SEMA5B: variants seen among roughly 807,000 people sequenced by gnomAD.
SEMA5B encodes semaphorin-5B.
Under a neutral mutation model 135.0 loss-of-function variants are expected in SEMA5B, and 66 were observed. That is an observed-to-expected ratio of 0.49 (90% CI 0.40 to 0.60). The LOEUF is 0.60. Ranked by LOEUF, SEMA5B falls within the 20% of genes least tolerant of loss-of-function variation. The pLI, the probability that SEMA5B is intolerant of heterozygous loss-of-function variation, is 0.00. For synonymous variants in SEMA5B, 690 were observed against 639.5 expected, an observed-to-expected ratio of 1.08 and a Z score of -1.19; for missense variants, 1,501 against 1,566.3, an observed-to-expected ratio of 0.96 and a Z score of 0.70.
intron 5 of SEMA5B, among the ~76,000 whole-genome samples, chr3:122,934,184 G>A (rs1327694374): frequency 6.6e-6 from 1 of 151,662 alleles, no homozygotes; most frequent in South Asian, 2.1e-4. Context: ...TGGGATTACA[G>A]GCGTGAGCCA....
chr3:122,926,708 G>A (rs779453238), intron 8 of SEMA5B, 31 bp from the exon 9 acceptor site: 3 of 1,601,344 alleles, frequency 1.9e-6, no homozygotes, highest in Non-Finnish European at 1.7e-6. Flanking sequence ...CAAGGGGCAG[G>A]GCAGGCCAGC....
At chr3:122,978,094 C>G (rs1321707535) in intron 1 of SEMA5B, among the ~76,000 whole-genome samples, 4 of 152,254 alleles carry the variant, frequency 2.6e-5, no homozygotes, top group African/African-American at 7.2e-5. Flanking sequence ...CAGGGACCCA[C>G]AGCTGAGTTT....
Position 122,912,209 on chromosome 3 carries a change from G to C in SEMA5B, c.2859C>G (p.His953Gln), listed in dbSNP as rs1937763968. 6.2e-7 allele frequency: 1 copy of C among 1,605,078 alleles called. No individual in the cohort carries two copies. Among genetic ancestry groups the C allele is most frequent in the African/African-American group, 1.3e-5 (1 of 74,896 alleles). The change falls in exon 19 of 23, where the codon CAC becomes CAG. Residue 953 changes from histidine to glutamine, a missense_variant. Coordinates refer to ENST00000357599, the MANE Select transcript of SEMA5B (RefSeq NM_001031702.4). Reference sequence around the variant, plus strand: ...GTGTGGCACATAGTGCCTCCTCCGTGTGCAGCCCGAGACAGATGTCCTCAC... The same window carrying C: ...GTGTGGCACATAGTGCCTCCTCCGTCTGCAGCCCGAGACAGATGTCCTCAC... The part of the protein sequence containing the change: ...SPGEDICLGL[H>Q]TEEALCATQA...
In SEMA5B at chr3:122,913,624, G is replaced by A; in HGVS notation, c.2190C>T (p.Ser730=). ...CACAGTTGCTGCTGCACTTGCTCCA[G>A]GAGCCCCAGGAAGCCCAGAAGATGG... ...PVPIFWASWG[S]WSKCSSNCGG... Residue 730 remains serine, a synonymous_variant, in exon 16 of 23, where the codon TCC becomes TCT. Coordinates refer to ENST00000357599, the MANE Select transcript of SEMA5B (RefSeq NM_001031702.4). 6.2e-7 allele frequency: 1 copy of A among 1,613,540 alleles called. No homozygotes were observed. Among genetic ancestry groups the A allele is most frequent in the East Asian group, 2.2e-5 (1 of 44,852 alleles).
chr3:122,939,284 G>A, intron 5 of SEMA5B, 141 bp downstream of exon 5: 1 of 696,352 alleles, frequency 1.4e-6, no homozygotes, highest in South Asian at 1.7e-5. Flanking sequence ...TGGGGTCTGA[G>A]TCCATGGCCA....
In SEMA5B at chr3:122,911,939, G is replaced by T; in HGVS notation, c.3027C>A (p.Cys1009Ter). Residue 1009 changes from cysteine (C) to a stop codon, truncating the protein, a stop_gained, in exon 20 of 23, where the codon TGC becomes TGA. Coordinates refer to ENST00000357599, the MANE Select transcript of SEMA5B (RefSeq NM_001031702.4). LOFTEE classifies it high-confidence loss of function. ...CAGNSSQSRP[C>*]PYSEIPVILP... ...ACCTACCGGGAATCTCGCTGTAGGGGCAGGGGCGGCTCTGGCTGCTGTTTC... is the reference window on the plus strand; with the variant it reads ...ACCTACCGGGAATCTCGCTGTAGGGTCAGGGGCGGCTCTGGCTGCTGTTTC... 1 of 1,605,080 alleles carries T rather than the reference G, an allele frequency of 6.2e-7. No individual in the cohort carries two copies. Among genetic ancestry groups the T allele is most frequent in the Non-Finnish European group, 8.5e-7 (1 of 1,173,556 alleles).
At chr3:123,028,320 G>A (rs1942857474), upstream of SEMA5B, 1 of 152,600 alleles carries the variant, frequency 6.6e-6, no homozygotes, top group African/African-American at 2.4e-5. Context: ...GGGAGGCTAG[G>A]CTGCTGGGCT....
At chr3:123,010,808 C>CAAAAAAA in intron 1 of SEMA5B, among the ~76,000 whole-genome samples, 1 of 63,458 alleles carries the variant, frequency 1.6e-5, no homozygotes, top group South Asian at 6.2e-4. Context: ...GTCTCCATCT[C>CAAAAAAA]AAAAAAAAAA....
intron 5 of SEMA5B, among the ~76,000 whole-genome samples, chr3:122,938,397 C>T (rs1939397910): frequency 6.6e-6 from 1 of 152,116 alleles, no homozygotes; most frequent in Admixed American, 6.5e-5. Context: ...CCAATGGGCA[C>T]AGATTTTCTG....
intron 1 of SEMA5B, among the ~76,000 whole-genome samples, chr3:123,008,389 G>T (rs964897141): frequency 6.6e-6 from 1 of 152,158 alleles, no homozygotes; most frequent in African/African-American, 2.4e-5. Context: ...AAGAGTATTC[G>T]GCACCTGTAG....
chr3:122,984,084 A>C (rs1042798102), intron 1 of SEMA5B, among the ~76,000 whole-genome samples: 5 of 152,230 alleles, frequency 3.3e-5, no homozygotes, highest in African/African-American at 1.2e-4. Context: ...GCCTTCCTAC[A>C]ACGTTTTGCT....
intron 1 of SEMA5B, among the ~76,000 whole-genome samples, chr3:122,983,517 G>A (rs904308639): frequency 9.9e-5 from 15 of 151,716 alleles, no homozygotes; most frequent in African/African-American, 3.4e-4. Flanking sequence ...TACTTTTGGG[G>A]GAGCACAGAG....
Position 122,912,353 on chromosome 3 carries a change from A to G in SEMA5B, c.2726-11T>C. 1 of 1,576,988 alleles carries G rather than the reference A, an allele frequency of 6.3e-7. No individual in the cohort carries two copies. Among genetic ancestry groups the G allele is most frequent in the Non-Finnish European group, 8.6e-7 (1 of 1,161,000 alleles). ...ACCAAGCACCCCGAACTGCAAGGGGACGGGGTGTGTGAGGGGCTGTAGGGG... is the reference window on the plus strand; with the variant it reads ...ACCAAGCACCCCGAACTGCAAGGGGGCGGGGTGTGTGAGGGGCTGTAGGGG... On this transcript the variant is annotated splice_polypyrimidine_tract_variant and intron_variant, in intron 18 of 22. Coordinates refer to ENST00000357599, the MANE Select transcript of SEMA5B (RefSeq NM_001031702.4).
intron 11 of SEMA5B, 45 bp from the exon 12 acceptor site, chr3:122,922,167 G>A (rs770348392): frequency 3.8e-6 from 6 of 1,560,568 alleles, no homozygotes; most frequent in South Asian, 3.5e-5. Context: ...TGAAGGCCCC[G>A]GAAGCTTGCA....
At chr3:123,024,422 G>A (rs1942754765) in intron 1 of SEMA5B, among the ~76,000 whole-genome samples, 1 of 152,162 alleles carries the variant, frequency 6.6e-6, no homozygotes, top group Non-Finnish European at 1.5e-5. Context: ...TGCTACATTA[G>A]ATGAAACAAA....
intron 2 of SEMA5B, among the ~76,000 whole-genome samples, chr3:122,955,051 C>T (rs893294707): frequency 6.6e-6 from 1 of 152,032 alleles, no homozygotes; most frequent in South Asian, 2.1e-4. Flanking sequence ...ATCCTATCAC[C>T]TCAACCTCCC....
At chr3:122,983,422 A>C (rs145510736) in intron 1 of SEMA5B, among the ~76,000 whole-genome samples, 1 of 151,992 alleles carries the variant, frequency 6.6e-6, no homozygotes, top group African/African-American at 2.4e-5. Context: ...CTGGAGCCTC[A>C]CCTTGTGCAC....
intron 1 of SEMA5B, among the ~76,000 whole-genome samples, chr3:122,975,798 G>A (rs759851521): frequency 6.6e-6 from 1 of 151,938 alleles, no homozygotes; most frequent in Non-Finnish European, 1.5e-5. Context: ...CTACAGCAAT[G>A]ATTTGGTCAC....
In SEMA5B at chr3:122,911,158, G is replaced by A. The variant is rs1937677957; in HGVS notation, c.3092-113C>T. 3.8e-6 allele frequency: 4 copies of A among 1,062,948 alleles called. No homozygotes were observed. In the African/African-American group the frequency reaches 6.4e-5, roughly 17 times the overall value. 65.8% of individuals were successfully genotyped at this position (1,062,948 alleles called of 1,614,324 possible). A position where few individuals can be genotyped will look rare whatever the true frequency, so the allele number is the denominator to read the frequency against. ...AGGAGGCTCTGAGGCATCCTGGAAA[G>A]GGCTCTGAGGCCACAGCCAAAGGAA... On this transcript the variant is annotated intron_variant, in intron 21 of 22. Transcript: ENST00000357599.
Sources: gnomAD v4.1 joint callset for allele counts (sites outside exome capture counted in the v4.1 genomes callset) on GRCh38, gnomAD v4.1.1 for gene constraint, MANE v1.5 for transcripts, NCBI Gene and HGNC (gene_info 2026-07-23, HGNC 2026-07-21) for gene names.